Variants in TENT4A observed in about 807,000 individuals in gnomAD.
The protein encoded by TENT4A is DNA polymerase kappa.
Under a neutral mutation model 72.8 loss-of-function variants are expected in TENT4A, and 7 were observed. The ratio of observed to expected loss-of-function variants is 0.10; its 90% CI spans 0.05 to 0.18. TENT4A has a LOEUF of 0.18. Among genes scored for constraint, TENT4A ranks in the 10% least tolerant of loss-of-function variants. TENT4A has a pLI of 1.00. For missense variants in TENT4A, 831 were observed against 1,017.7 expected, an observed-to-expected ratio of 0.82 and a Z score of 2.50; for synonymous variants, 456 against 434.3, an observed-to-expected ratio of 1.05 and a Z score of -0.62.
In TENT4A at chr5:6,742,719, C is replaced by G. The variant is rs1025616532; in HGVS notation, c.1116+122C>G. ...CAAGTCTTTCGTAACACAGACTACA[C>G]TTACATTATTTCTCCTACAATATTA... On this transcript the variant is annotated intron_variant, in intron 5 of 12. Coordinates refer to ENST00000230859, the MANE Select transcript of TENT4A (RefSeq NM_006999.6). 1.9e-5 allele frequency: 12 copies of G among 619,872 alleles called. No individual in the cohort carries two copies. In the African/African-American group the frequency reaches 2.2e-4, roughly 11 times the overall value. The allele number at this position is 619,872 out of a possible 1,614,324, so 38.4% of individuals were successfully genotyped here.
intron 11 of TENT4A, chr5:6,751,480 T>C: frequency 2.5e-6 from 1 of 398,206 alleles, no homozygotes; most frequent in Non-Finnish European, 4.5e-6. Context: ...TGCCCCAGCA[T>C]GAGACTGCTG....
At chr5:6,753,063 C>G in intron 12 of TENT4A, 26 bp downstream of exon 12, 1 of 1,568,530 alleles carries the variant, frequency 6.4e-7, no homozygotes, top group Admixed American at 1.7e-5. Context: ...GGTGCATTCA[C>G]CTACCTGTTC....
intron 6 of TENT4A, 145 bp downstream of exon 6, chr5:6,743,985 C>A (rs1741953436): frequency 1.4e-6 from 1 of 729,336 alleles, no homozygotes; most frequent in Non-Finnish European, 2.3e-6. Context: ...CTGATTCTTA[C>A]AATCAAACCC....
At chr5:6,739,131 A>G (rs536238826) in intron 3 of TENT4A, among the ~76,000 whole-genome samples, 1 of 152,372 alleles carries the variant, frequency 6.6e-6, no homozygotes, top group East Asian at 1.9e-4. Context: ...TTTTTACCTG[A>G]TAGGAAAATG....
At chr5:6,724,296 A>G (rs1008509923) in intron 1 of TENT4A, among the ~76,000 whole-genome samples, 2 of 152,192 alleles carry the variant, frequency 1.3e-5, no homozygotes, top group South Asian at 4.1e-4. Context: ...GTGACGCAAC[A>G]CAGTAAAGTG....
At chr5:6,746,992 G>A (rs1027918648) in intron 7 of TENT4A, among the ~76,000 whole-genome samples, 3 of 152,164 alleles carry the variant, frequency 2.0e-5, no homozygotes, top group Admixed American at 6.5e-5. Flanking sequence ...TCCCATTGGC[G>A]TATTCAGGGG....
At chr5:6,742,141 A>T (rs1393490728) in intron 4 of TENT4A, among the ~76,000 whole-genome samples, 2 of 152,240 alleles carry the variant, frequency 1.3e-5, no homozygotes, top group East Asian at 3.8e-4. Flanking sequence ...TCTGCCAAAT[A>T]AAAGTCTGGG....
intron 1 of TENT4A, among the ~76,000 whole-genome samples, chr5:6,726,132 CACCG>C (rs2126608739): frequency 6.6e-6 from 1 of 152,280 alleles, no homozygotes. Context: ...ACCACTGTTG[CACCG>C]AACCCTTACC....
chr5:6,726,566 G>A (rs1402175101), intron 1 of TENT4A, among the ~76,000 whole-genome samples: 4 of 152,164 alleles, frequency 2.6e-5, no homozygotes, highest in African/African-American at 9.7e-5. Flanking sequence ...GCAGATAGGA[G>A]CCACTGTTGG....
chr5:6,750,279 C>T, intron 9 of TENT4A, 52 bp from the exon 10 acceptor site: 4 of 1,503,220 alleles, frequency 2.7e-6, no homozygotes, highest in Non-Finnish European at 3.6e-6. Context: ...GCCGGGGCGG[C>T]TCCACGCCGC....
At position 6,742,613 on chromosome 5, in the gene TENT4A, A is replaced by G. The variant is rs1371171266; in HGVS notation, c.1116+16A>G. 9.2e-6 allele frequency: 14 copies of G among 1,519,206 alleles called. No homozygotes were observed. In the Admixed American group the frequency reaches 2.3e-4, roughly 25 times the overall value. 94.1% of individuals were successfully genotyped at this position (1,519,206 alleles called of 1,614,324 possible). ...TTACATGAAGGTACTGTGCTTGGTG[A>G]CCCAGCGCGGCGAGAGTGCAGGACT... On this transcript the variant is annotated intron_variant, in intron 5 of 12. Transcript: ENST00000230859.
At chr5:6,728,781 AG>A (rs1393662278) in intron 1 of TENT4A, among the ~76,000 whole-genome samples, 1 of 152,268 alleles carries the variant, frequency 6.6e-6, no homozygotes, top group African/African-American at 2.4e-5. Context: ...TGACCCTTGC[AG>A]TATGAATTAG....
chr5:6,748,203 A>G (rs1032263255), intron 7 of TENT4A, among the ~76,000 whole-genome samples: 5 of 152,248 alleles, frequency 3.3e-5, no homozygotes, highest in Non-Finnish European at 7.3e-5. Flanking sequence ...GAGGTGGGCC[A>G]TGAGCACAGG....
Position 6,746,502 on chromosome 5 carries a change from G to C in TENT4A, c.1459+75G>C, listed in dbSNP as rs1742105943. 4.3e-6 allele frequency: 6 copies of C among 1,402,558 alleles called. No homozygotes were observed. In the African/African-American group the frequency reaches 4.3e-5, roughly 10 times the overall value. 86.9% of individuals were successfully genotyped at this position (1,402,558 alleles called of 1,614,324 possible). A position where few individuals can be genotyped will look rare whatever the true frequency, so the allele number is the denominator to read the frequency against. On this transcript the variant is annotated intron_variant, in intron 7 of 12. Coordinates refer to ENST00000230859, the MANE Select transcript of TENT4A (RefSeq NM_006999.6). ...CGTGCTGGTGACAGGGCCTGTGTTG[G>C]GGCTCTGAGAGCCCCGGGCAGTTCA...
Position 6,750,299 on chromosome 5 carries a change from GAGTTATTAACCA to G in TENT4A, c.1688-29_1688-18del, listed in dbSNP as rs1391917488. On this transcript the variant is annotated intron_variant, in intron 9 of 12. Coordinates refer to ENST00000230859, the MANE Select transcript of TENT4A (RefSeq NM_006999.6). ...GGCGGCTCCACGCCGCAGTTCTCAG[GAGTTATTAACCA>G]AGGCTTTTTCCCTCCACAGACAGCA... The G allele has an allele frequency of 1.3e-6, 2 of 1,584,882 alleles. No homozygotes were observed. The highest frequency in any genetic ancestry group is 1.7e-6 in the Non-Finnish European group (2 of 1,165,678).
At chr5:6,734,562 G>T (rs943805282) in intron 1 of TENT4A, among the ~76,000 whole-genome samples, 1 of 152,248 alleles carries the variant, frequency 6.6e-6, no homozygotes, top group Non-Finnish European at 1.5e-5. Flanking sequence ...TGGATGGCCG[G>T]GCCCCCGGCA....
At chr5:6,729,014 C>A (rs1741074815) in intron 1 of TENT4A, among the ~76,000 whole-genome samples, 1 of 152,146 alleles carries the variant, frequency 6.6e-6, no homozygotes, top group South Asian at 2.1e-4. Flanking sequence ...TTAAAAAGCT[C>A]TTTTAAACAA....
At chr5:6,737,757 T>C (rs1056288275) in intron 2 of TENT4A, 124 bp downstream of exon 2, 1 of 1,109,812 alleles carries the variant, frequency 9.0e-7, no homozygotes, top group African/African-American at 1.6e-5. Context: ...GCAGCAGTTC[T>C]CCAAGTGTGC....
At chr5:6,733,704 T>G (rs1419990372) in intron 1 of TENT4A, among the ~76,000 whole-genome samples, 1 of 96,308 alleles carries the variant, frequency 1.0e-5, no homozygotes, top group Non-Finnish European at 2.7e-5. Context: ...TGTACTTCTG[T>G]GGCAGACTTT....
Sources: gnomAD v4.1 joint callset for allele counts (sites outside exome capture counted in the v4.1 genomes callset) on GRCh38, gnomAD v4.1.1 for gene constraint, MANE v1.5 for transcripts, NCBI Gene and HGNC (gene_info 2026-07-23, HGNC 2026-07-21) for gene names.